Variants in RBFOX1 observed in about 807,000 individuals in gnomAD.
The protein encoded by RBFOX1 is RNA binding protein fox-1 homolog 1.
A neutral mutation model predicts 57.7 loss-of-function variants in RBFOX1; 8 were observed. That is an observed-to-expected ratio of 0.14 (90% CI 0.08 to 0.25). The LOEUF (loss-of-function observed/expected upper bound fraction) is 0.25, where lower values mean the gene tolerates loss of function less well. RBFOX1 is among the 10% of genes least tolerant of loss of function. The pLI is 1.00. For synonymous variants in RBFOX1, 326 were observed against 222.4 expected (o/e 1.47, Z -4.15); for missense variants, 611 against 548.5 (o/e 1.11, Z -1.14).
At chr16:6,875,913 A>G (rs1171919939) in intron 3 of RBFOX1, among the ~76,000 whole-genome samples, 2 of 152,152 alleles carry the variant, frequency 1.3e-5, no homozygotes, top group African/African-American at 4.8e-5. Context: ...TGGGAGGATC[A>G]CTTGAGCCGG....
intron 2 of RBFOX1, among the ~76,000 whole-genome samples, chr16:6,653,540 G>T (rs751947852): frequency 6.6e-6 from 1 of 151,922 alleles, no homozygotes; most frequent in South Asian, 2.1e-4. Flanking sequence ...TCACCTTTTC[G>T]TACCAGGACA....
intron 4 of RBFOX1, among the ~76,000 whole-genome samples, chr16:7,464,393 C>G (rs891969131): frequency 7.9e-5 from 12 of 151,932 alleles, no homozygotes; most frequent in African/African-American, 2.4e-4. Flanking sequence ...ACAGTCGCAT[C>G]CAAGATCAAA....
At chr16:5,277,452 A>G (rs1167312347) in intron 1 of RBFOX1, among the ~76,000 whole-genome samples, 1 of 120,542 alleles carries the variant, frequency 8.3e-6, no homozygotes, top group African/African-American at 3.4e-5. Flanking sequence ...ATTGAAATAA[A>G]AAAAAGAAAT....
At chr16:5,894,084 G>T (rs2058103659) in intron 4 of RBFOX1, among the ~76,000 whole-genome samples, 1 of 152,110 alleles carries the variant, frequency 6.6e-6, no homozygotes, top group Non-Finnish European at 1.5e-5. Flanking sequence ...CATGGTGTGG[G>T]TGAGGGAGGA....
intron 3 of RBFOX1, among the ~76,000 whole-genome samples, chr16:6,933,440 C>A (rs181629603): frequency 6.6e-6 from 1 of 152,250 alleles, no homozygotes; most frequent in African/African-American, 2.4e-5. Context: ...TGGCCAGGTG[C>A]AGTGGCTCAT....
chr16:7,110,167 T>G (rs1215069609), intron 4 of RBFOX1, among the ~76,000 whole-genome samples: 6 of 135,258 alleles, frequency 4.4e-5, no homozygotes, highest in African/African-American at 1.7e-4. Context: ...CTGGGCAACA[T>G]AGCGAGACCC....
chr16:6,122,802 A>ATGTGTGTGTGTGTGTGTG (rs4038155), intron 1 of RBFOX1, among the ~76,000 whole-genome samples: 2 of 147,734 alleles, frequency 1.4e-5, no homozygotes, highest in African/African-American at 5.1e-5. Context: ...ATGTGTGTGT[A>ATGTGTGTGTGTGTGTGTG]TGTGTGTGTG....
chr16:5,535,070 AT>A (rs1349756887), intron 2 of RBFOX1, among the ~76,000 whole-genome samples: 1 of 152,214 alleles, frequency 6.6e-6, no homozygotes, highest in East Asian at 1.9e-4. Context: ...CTGGAGAGAG[AT>A]AAAAAATGTT....
chr16:5,241,938 C>CAA (rs58653312), intron 1 of RBFOX1, among the ~76,000 whole-genome samples: 3 of 144,582 alleles, frequency 2.1e-5, no homozygotes, highest in African/African-American at 5.0e-5. Context: ...TCGCATCTAC[C>CAA]AAAAAAAAAA....
rs559153375 is a variant in RBFOX1 at position 7,284,705 on chromosome 16, C to G, written c.27+232607C>G. Among the ~76,000 whole-genome samples the G allele has an allele frequency of 2.6e-5, 4 of 152,150 alleles. No homozygotes were observed. In the South Asian group the frequency reaches 8.3e-4, roughly 32 times the overall value. ...GTAGTTTCGGTGTTTAATCCTGGAT[C>G]TGATACTTCCTAGCTCTGCGACCTC... On this transcript the variant is annotated intron_variant, in intron 4 of 15. Coordinates refer to ENST00000550418, the MANE Select transcript of RBFOX1 (RefSeq NM_018723.4).
intron 4 of RBFOX1, among the ~76,000 whole-genome samples, chr16:7,247,422 C>A (rs2094346503): frequency 6.6e-6 from 1 of 152,124 alleles, no homozygotes; most frequent in African/African-American, 2.4e-5. Flanking sequence ...TGATCTACCA[C>A]ACACTAAGAG....
At chr16:5,662,595 C>T (rs556650406) in intron 3 of RBFOX1, among the ~76,000 whole-genome samples, 1 of 152,162 alleles carries the variant, frequency 6.6e-6, no homozygotes, top group African/African-American at 2.4e-5. Flanking sequence ...GAGTTACCCC[C>T]TACCATTTTT....
At chr16:6,906,639 G>C (rs1471480564) in intron 3 of RBFOX1, among the ~76,000 whole-genome samples, 1 of 152,090 alleles carries the variant, frequency 6.6e-6, no homozygotes, top group Non-Finnish European at 1.5e-5. Context: ...GACAGGAACA[G>C]CGTTTTCTTC....
chr16:7,061,771 A>C (rs887239400), intron 4 of RBFOX1, among the ~76,000 whole-genome samples: 1 of 152,098 alleles, frequency 6.6e-6, no homozygotes, highest in Non-Finnish European at 1.5e-5. Flanking sequence ...TGTCATAGCT[A>C]CTCTTCATTT....
intron 2 of RBFOX1, among the ~76,000 whole-genome samples, chr16:6,487,308 T>A (rs1036982145): frequency 2.0e-5 from 3 of 152,048 alleles, no homozygotes; most frequent in African/African-American, 7.3e-5. Context: ...TTAATATGCT[T>A]CCAATTTTTC....
chr16:7,186,705 G>T (rs992371775), intron 4 of RBFOX1, among the ~76,000 whole-genome samples: 1 of 148,330 alleles, frequency 6.7e-6, no homozygotes, highest in South Asian at 2.1e-4. Flanking sequence ...AAGTTTCATG[G>T]TATCTAGGAA....
At chr16:6,574,261 A>G (rs2097389964) in intron 2 of RBFOX1, among the ~76,000 whole-genome samples, 1 of 151,800 alleles carries the variant, frequency 6.6e-6, no homozygotes, top group Non-Finnish European at 1.5e-5. Context: ...GAGGTAACAC[A>G]CGTTGTTCAT....
intron 1 of RBFOX1, among the ~76,000 whole-genome samples, chr16:6,269,274 T>C (rs926022793): frequency 2.6e-5 from 4 of 152,216 alleles, no homozygotes; most frequent in African/African-American, 9.6e-5. Context: ...TTATTTTTAT[T>C]GTATTGTTAT....
intron 1 of RBFOX1, among the ~76,000 whole-genome samples, chr16:5,342,005 C>T (rs2065043595): frequency 6.6e-6 from 1 of 152,154 alleles, no homozygotes; most frequent in South Asian, 2.1e-4. Flanking sequence ...TTGTTCCCCT[C>T]CTTCTGCATG....
Sources: gnomAD v4.1 joint callset for allele counts (sites outside exome capture counted in the v4.1 genomes callset) on GRCh38, gnomAD v4.1.1 for gene constraint, MANE v1.5 for transcripts, NCBI Gene and HGNC (gene_info 2026-07-23, HGNC 2026-07-21) for gene names.